FOXP2: variants seen among roughly 807,000 people sequenced by gnomAD.
The protein encoded by FOXP2 is forkhead box protein P2.
A neutral mutation model predicts 115.8 loss-of-function variants in FOXP2; 12 were observed. The ratio of observed to expected loss-of-function variants is 0.10; its 90% confidence interval spans 0.07 to 0.17. The LOEUF (loss-of-function observed/expected upper bound fraction) is 0.17. FOXP2 is among the 10% of genes least tolerant of loss of function. The pLI is 1.00. For missense variants in FOXP2, 629 were observed against 843.5 expected (o/e 0.75, Z 3.15); for synonymous variants, 328 against 297.7 (o/e 1.10, Z -1.05).
chr7:114,386,646 T>A (rs777062577), intron 2 of FOXP2, among the ~76,000 whole-genome samples: 1 of 152,144 alleles, frequency 6.6e-6, no homozygotes, highest in Non-Finnish European at 1.5e-5. Flanking sequence ...TTACAGTCAA[T>A]GCACAGGGAA....
At chr7:114,436,617 T>C (rs888993899) in intron 2 of FOXP2, among the ~76,000 whole-genome samples, 1 of 151,806 alleles carries the variant, frequency 6.6e-6, no homozygotes, top group Non-Finnish European at 1.5e-5. Flanking sequence ...ACATGGCCCT[T>C]GCCTTCATAA....
At chr7:114,542,272 G>C (rs1799699324) in intron 3 of FOXP2, among the ~76,000 whole-genome samples, 1 of 151,926 alleles carries the variant, frequency 6.6e-6, no homozygotes, top group Non-Finnish European at 1.5e-5. Context: ...TTAAATATCT[G>C]TAACTATCTA....
At chr7:114,679,923 A>G (rs535061284) in intron 16 of FOXP2, among the ~76,000 whole-genome samples, 16 of 152,284 alleles carry the variant, frequency 1.1e-4, no homozygotes, top group Admixed American at 5.9e-4. Context: ...TGAAAACTTG[A>G]TGATAACAGG....
At chr7:114,573,733 T>A (rs1487184805) in intron 3 of FOXP2, among the ~76,000 whole-genome samples, 2 of 151,736 alleles carry the variant, frequency 1.3e-5, no homozygotes, top group African/African-American at 4.8e-5. Flanking sequence ...CTATCACACC[T>A]AATTCACTTA....
At chr7:114,367,060 A>G (rs555976243) in intron 2 of FOXP2, among the ~76,000 whole-genome samples, 8 of 152,192 alleles carry the variant, frequency 5.3e-5, no homozygotes, top group South Asian at 4.1e-4. Context: ...CTAACTTACA[A>G]TATGTATGTT....
chr7:114,333,439 C>T (rs1248412640), intron 2 of FOXP2, among the ~76,000 whole-genome samples: 1 of 152,112 alleles, frequency 6.6e-6, no homozygotes, highest in Non-Finnish European at 1.5e-5. Flanking sequence ...GTTATTTTCA[C>T]CATTCAAAAA....
At chr7:114,544,658 C>A (rs1159149433) in intron 3 of FOXP2, among the ~76,000 whole-genome samples, 1 of 152,212 alleles carries the variant, frequency 6.6e-6, no homozygotes, top group African/African-American at 2.4e-5. Context: ...ATGAAGAAAT[C>A]TGTTGTCTCA....
chr7:114,322,396 G>A (rs891202208), intron 2 of FOXP2, among the ~76,000 whole-genome samples: 1 of 151,514 alleles, frequency 6.6e-6, no homozygotes, highest in Non-Finnish European at 1.5e-5. Flanking sequence ...CATGCTTGCA[G>A]TCCCTGCACT....
intron 1 of FOXP2, among the ~76,000 whole-genome samples, chr7:114,137,176 A>G (rs1171517273): frequency 3.3e-5 from 5 of 152,086 alleles, no homozygotes; most frequent in Admixed American, 1.3e-4. Flanking sequence ...TGTTGTGAGT[A>G]TATGTCTGTC....
intron 1 of FOXP2, among the ~76,000 whole-genome samples, chr7:114,121,166 T>C (rs1354963670): frequency 6.6e-6 from 1 of 152,062 alleles, no homozygotes; most frequent in Non-Finnish European, 1.5e-5. Flanking sequence ...AATTAAGTCA[T>C]GAGGATGGAG....
chr7:114,604,218 G>C (rs1195872236), intron 3 of FOXP2, among the ~76,000 whole-genome samples: 7 of 152,144 alleles, frequency 4.6e-5, no homozygotes, highest in Non-Finnish European at 2.9e-5. Context: ...CTGGCAAAAA[G>C]AGAACTGGAG....
intron 16 of FOXP2, among the ~76,000 whole-genome samples, chr7:114,670,843 T>A (rs1807450892): frequency 6.6e-6 from 1 of 152,114 alleles, no homozygotes; most frequent in Non-Finnish European, 1.5e-5. Context: ...GGAAAGCAGT[T>A]GGAAGTGACT....
chr7:114,233,925 A>G (rs1294010711), intron 1 of FOXP2, among the ~76,000 whole-genome samples: 1 of 152,208 alleles, frequency 6.6e-6, no homozygotes, highest in Non-Finnish European at 1.5e-5. Flanking sequence ...AGGCTCAGGA[A>G]TAGCTTGAAC....
intron 1 of FOXP2, among the ~76,000 whole-genome samples, chr7:114,249,476 G>A (rs979566542): frequency 1.3e-5 from 2 of 151,830 alleles, no homozygotes; most frequent in Admixed American, 6.6e-5. Flanking sequence ...TTGGTTTTCT[G>A]TTCCTGTGTT....
At chr7:114,313,542 G>A (rs1275939377) in intron 2 of FOXP2, among the ~76,000 whole-genome samples, 1 of 55,746 alleles carries the variant, frequency 1.8e-5, no homozygotes, top group Non-Finnish European at 3.2e-5. Context: ...TCAGGAGATC[G>A]AGACCATCCC....
chr7:114,219,426 G>T (rs1413733330), intron 1 of FOXP2, among the ~76,000 whole-genome samples: 1 of 151,998 alleles, frequency 6.6e-6, no homozygotes, highest in African/African-American at 2.4e-5. Flanking sequence ...AATATACTTA[G>T]AGTGGTCATG....
chr7:114,297,506 A>C (rs540502376), intron 2 of FOXP2: 51 of 285,448 alleles, frequency 1.8e-4, no homozygotes, highest in Non-Finnish European at 3.0e-4. Context: ...TAGTCCATCA[A>C]TTCGCACAAC....
intron 1 of FOXP2, among the ~76,000 whole-genome samples, chr7:114,232,601 G>A (rs1372946283): frequency 6.6e-6 from 1 of 152,076 alleles, no homozygotes; most frequent in Non-Finnish European, 1.5e-5. Flanking sequence ...ATCACCTGAG[G>A]TCAGGAGTTC....
chr7:114,660,883 C>T (rs917821292), intron 13 of FOXP2, among the ~76,000 whole-genome samples: 3 of 151,982 alleles, frequency 2.0e-5, no homozygotes, highest in Admixed American at 6.6e-5. Flanking sequence ...CTCCACAGCT[C>T]GGGGATCCAG....
Sources: gnomAD v4.1 joint callset for allele counts (sites outside exome capture counted in the v4.1 genomes callset) on GRCh38, gnomAD v4.1.1 for gene constraint, MANE v1.5 for transcripts, NCBI Gene and HGNC (gene_info 2026-07-23, HGNC 2026-07-21) for gene names.